FLNB: variants seen among roughly 807,000 people sequenced by gnomAD.
FLNB encodes filamin B.
FLNB carries 111 observed loss-of-function variants against 250.6 expected under a neutral mutation model. The observed-to-expected ratio is 0.44, with a 90% CI of 0.38 to 0.52. The LOEUF (loss-of-function observed/expected upper bound fraction) is 0.52. Among genes scored for constraint, FLNB ranks in the 20% least tolerant of loss-of-function variants. FLNB has a pLI of 0.00. For missense variants in FLNB, 2,869 were observed against 3,447.8 expected, an observed-to-expected ratio of 0.83 and a Z score of 4.20; for synonymous variants, 1,302 against 1,372.1, an observed-to-expected ratio of 0.95 and a Z score of 1.13.
At chr3:58,038,749 G>T (rs535852508) in intron 1 of FLNB, among the ~76,000 whole-genome samples, 2 of 152,190 alleles carry the variant, frequency 1.3e-5, no homozygotes, top group Admixed American at 1.3e-4. Context: ...TTCTGCCCAT[G>T]CACCTCCTTA....
chr3:58,059,693 G>A (rs948982343), intron 1 of FLNB, among the ~76,000 whole-genome samples: 1 of 152,186 alleles, frequency 6.6e-6, no homozygotes, highest in Non-Finnish European at 1.5e-5. Flanking sequence ...CAGCAAAGCC[G>A]ATCTGCTGTG....
intron 1 of FLNB, among the ~76,000 whole-genome samples, chr3:58,064,610 C>T (rs2097182890): frequency 6.6e-6 from 1 of 152,100 alleles, no homozygotes; most frequent in Admixed American, 6.5e-5. Context: ...TGCATCTTCT[C>T]TCAAGTTCCC....
intron 19 of FLNB, 123 bp from the exon 20 acceptor site, chr3:58,121,118 T>C: frequency 4.9e-6 from 6 of 1,212,740 alleles, no homozygotes; most frequent in Non-Finnish European, 7.3e-6. Flanking sequence ...CTGCAGCAGC[T>C]GTTGCTTACA....
In FLNB at chr3:58,018,327, C is replaced by CTTTT. The variant is rs60851192; in HGVS notation, c.292+9494_292+9497dup. On this transcript the variant is annotated intron_variant, in intron 1 of 45. Transcript: ENST00000295956. The stretch of plus-strand genomic sequence containing the variant: ...CCTCTTTGAGCTATGTATTCATTGA[C>CTTTT]TTTTTTTTTTTTTTTTTTTTTTTTT... 4.9e-4 allele frequency among the ~76,000 whole-genome samples: 31 copies of CTTTT among 63,236 alleles called. 3 individuals are homozygous for CTTTT. The highest frequency in any genetic ancestry group is 2.0e-3 in the African/African-American group (27 of 13,190). 41.5% of individuals were successfully genotyped at this position (63,236 alleles called of 152,430 possible). A position where few individuals can be genotyped will look rare whatever the true frequency, so the allele number is the denominator to read the frequency against.
chr3:58,110,219 CT>C, intron 16 of FLNB, 49 bp downstream of exon 16: 1 of 1,577,214 alleles, frequency 6.3e-7, no homozygotes, highest in Non-Finnish European at 8.7e-7. Context: ...CCTGGATTCT[CT>C]TTGGCCACTT....
intron 1 of FLNB, among the ~76,000 whole-genome samples, chr3:58,029,989 G>A (rs892846479): frequency 6.6e-6 from 1 of 152,224 alleles, no homozygotes; most frequent in Admixed American, 6.5e-5. Flanking sequence ...TAAAGTGCCT[G>A]AGACATGGGA....
At chr3:58,084,273 A>T (rs956564949) in intron 4 of FLNB, among the ~76,000 whole-genome samples, 2 of 152,024 alleles carry the variant, frequency 1.3e-5, no homozygotes, top group Non-Finnish European at 2.9e-5. Context: ...TTTAAAGGTT[A>T]TGCTTCCTTA....
At position 58,133,000 on chromosome 3, in the gene FLNB, A is replaced by AGTCC. The variant is rs567262058; in HGVS notation, c.4514+70_4514+73dup. The AGTCC allele has an allele frequency of 5.1e-4, 778 of 1,531,342 alleles. 2 individuals are homozygous for AGTCC. Among genetic ancestry groups the AGTCC allele is most frequent in the Middle Eastern group, 6.8e-4 (4 of 5,902 alleles). 94.9% of individuals were successfully genotyped at this position (1,531,342 alleles called of 1,614,324 possible). A position where few individuals can be genotyped will look rare whatever the true frequency, so the allele number is the denominator to read the frequency against. On this transcript the variant is annotated intron_variant, in intron 26 of 45. Transcript: ENST00000295956. Reference sequence around the variant, plus strand: ...CTGTCCACCCATCCATTCCTCCATCAGTCCATCCACCCATCCGTTCCTCCA... The same window carrying AGTCC: ...CTGTCCACCCATCCATTCCTCCATCAGTCCGTCCATCCACCCATCCGTTCCTCCA...
intron 38 of FLNB, chr3:58,151,009 GTTCTTC>G (rs900462686): frequency 1.3e-5 from 2 of 152,956 alleles, no homozygotes; most frequent in African/African-American, 4.8e-5. Context: ...TAGTTAACAG[GTTCTTC>G]TTGTGTAGTC....
intron 1 of FLNB, among the ~76,000 whole-genome samples, chr3:58,037,943 A>G (rs2097140417): frequency 6.6e-6 from 1 of 152,246 alleles, no homozygotes; most frequent in Non-Finnish European, 1.5e-5. Context: ...AATAAATAAA[A>G]TCAATGAAAA....
intron 8 of FLNB, among the ~76,000 whole-genome samples, chr3:58,100,843 C>G (rs1206895038): frequency 6.6e-6 from 1 of 151,936 alleles, no homozygotes; most frequent in African/African-American, 2.4e-5. Context: ...AAGTGATCCA[C>G]CTGCCTCGGC....
intron 1 of FLNB, among the ~76,000 whole-genome samples, chr3:58,018,480 G>T (rs1021796002): frequency 6.6e-6 from 1 of 151,184 alleles, no homozygotes; most frequent in Non-Finnish European, 1.5e-5. Context: ...GATTACAGGC[G>T]CCTGCCACCT....
chr3:58,038,100 G>T (rs111336058), intron 1 of FLNB, among the ~76,000 whole-genome samples: 5,598 of 151,924 alleles, frequency 0.037, 321 homozygotes, highest in African/African-American at 0.13. Context: ...CATGATCTCG[G>T]CTCATTGCAG....
chr3:58,048,495 A>G (rs755690743), intron 1 of FLNB, among the ~76,000 whole-genome samples: 1 of 152,198 alleles, frequency 6.6e-6, no homozygotes, highest in Non-Finnish European at 1.5e-5. Flanking sequence ...TGGCTAGGGC[A>G]CTTCCTGAGG....
chr3:58,080,813 C>T (rs931622479), intron 3 of FLNB, among the ~76,000 whole-genome samples: 6 of 140,584 alleles, frequency 4.3e-5, no homozygotes, highest in African/African-American at 1.7e-4. Flanking sequence ...TTTAAAGAGA[C>T]AGCGTCTTAC....
At chr3:58,100,101 G>T (rs2097247117) in intron 8 of FLNB, among the ~76,000 whole-genome samples, 1 of 151,602 alleles carries the variant, frequency 6.6e-6, no homozygotes, top group South Asian at 2.1e-4. Context: ...ACTGACTTCT[G>T]GTATGACCAA....
chr3:58,095,017 C>A (rs901727042), intron 5 of FLNB, 63 bp downstream of exon 5: 2 of 1,240,094 alleles, frequency 1.6e-6, no homozygotes, highest in African/African-American at 1.5e-5. Context: ...GCTTGTAATG[C>A]GGCCAGGGAC....
At position 58,171,968 on chromosome 3, in the gene FLNB, G is replaced by C. The variant is rs1180064426; in HGVS notation, c.*1206G>C. ...GAGCTGGCTTTGGAATGAGGTTAAA[G>C]TGTCAGGGACGTTGCCTGAGCCCAA... is the stretch of plus-strand genomic sequence containing the variant. On this transcript the variant is annotated 3_prime_UTR_variant, in exon 46 of 46. Transcript: ENST00000295956. This position sits in a 1 kb window ranked among gnomAD's most constrained non-coding sequence, Gnocchi z 5.5. 6 of 152,334 alleles carry C rather than the reference G, an allele frequency of 3.9e-5. No homozygotes were observed. Among genetic ancestry groups the C allele is most frequent in the Non-Finnish European group, 8.8e-5 (6 of 68,150 alleles). 9.4% of individuals were successfully genotyped at this position (152,334 alleles called of 1,614,324 possible).
At chr3:58,123,990 C>T (rs1341973324) in intron 21 of FLNB, among the ~76,000 whole-genome samples, 1 of 152,166 alleles carries the variant, frequency 6.6e-6, no homozygotes, top group Non-Finnish European at 1.5e-5. Context: ...TGATTTTTCT[C>T]TGGAAACTCA....
Sources: allele counts gnomAD v4.1 joint callset (sites outside exome capture counted in the v4.1 genomes callset), GRCh38; gene constraint gnomAD v4.1.1; non-coding constraint Gnocchi (gnomAD v3.1); transcripts MANE v1.5; gene names NCBI Gene and HGNC (gene_info 2026-07-23, HGNC 2026-07-21).